The following BRF1 variants were observed in gnomAD, a reference collection of about 807,000 sequenced individuals.
BRF1 encodes the protein BRF1 general transcription factor IIIB subunit, also known as transcription factor IIIB 90 kDa subunit.
Under a neutral mutation model 81.7 loss-of-function variants are expected in BRF1, and 59 were observed. That is an observed-to-expected ratio of 0.72 (90% confidence interval 0.59 to 0.90). The LOEUF is 0.90. Among genes scored for constraint, BRF1 ranks in the 40% least tolerant of loss-of-function variants. The probability of loss-of-function intolerance (pLI) is 0.00; values close to 1 mark genes in which losing one functional copy is unlikely to be tolerated. For synonymous variants in BRF1, 491 were observed against 395.6 expected (o/e 1.24, Z -2.86); for missense variants, 1,050 against 936.3 (o/e 1.12, Z -1.58).
In BRF1 at chr14:105,315,030, G is replaced by C; in HGVS notation, c.-162+292C>G. ...GGTGGACGGCTCCAGCCCCAGCTGC[G>C]TGCCCAGGTACGCGCCGCCCGCCGC... On this transcript the variant is annotated intron_variant, in intron 1 of 17. Coordinates refer to the BRF1 transcript ENST00000327359. The surrounding 1 kb of genome is among the most constrained non-coding windows in gnomAD (Gnocchi z 4.4). 1 of 1,212,492 alleles carries C rather than the reference G, an allele frequency of 8.2e-7. No individual in the cohort carries two copies. Among genetic ancestry groups the C allele is most frequent in the Non-Finnish European group, 1.0e-6 (1 of 958,202 alleles). The allele number at this position is 1,212,492 out of a possible 1,614,324, so 75.1% of individuals were successfully genotyped here.
intron 15 of BRF1, chr14:105,213,309 GT>G (rs1890456784): frequency 6.6e-6 from 1 of 152,294 alleles, no homozygotes; most frequent in South Asian, 2.1e-4. Flanking sequence ...ATCTTGGCCG[GT>G]GGGACTAAGT....
chr14:105,261,093 T>C (rs587726451), intron 3 of BRF1, among the ~76,000 whole-genome samples: 1 of 152,352 alleles, frequency 6.6e-6, no homozygotes, highest in Admixed American at 6.5e-5. Flanking sequence ...GAAGAGGCCC[T>C]GTCTGCGGCC....
intron 2 of BRF1, among the ~76,000 whole-genome samples, chr14:105,282,530 T>G (rs2057149989): frequency 6.6e-6 from 1 of 152,184 alleles, no homozygotes; most frequent in Non-Finnish European, 1.5e-5. Flanking sequence ...AGGGCTGATA[T>G]GAAAACTTCA....
intron 1 of BRF1, among the ~76,000 whole-genome samples, chr14:105,299,855 G>T (rs1056856036): frequency 7.2e-5 from 11 of 152,228 alleles, no homozygotes; most frequent in Admixed American, 2.0e-4. Context: ...ATACAGCTAA[G>T]TTCCCCAGAG....
chr14:105,295,052 T>C (rs1465256502), intron 1 of BRF1, among the ~76,000 whole-genome samples: 2 of 151,508 alleles, frequency 1.3e-5, no homozygotes, highest in Admixed American at 6.6e-5. Flanking sequence ...TTCCAGAAAA[T>C]AGAAGAGGAA....
At chr14:105,282,360 C>T (rs1051064236) in intron 2 of BRF1, among the ~76,000 whole-genome samples, 14 of 152,202 alleles carry the variant, frequency 9.2e-5, no homozygotes, top group African/African-American at 3.4e-4. Flanking sequence ...GGAAGGGTGG[C>T]CCGTGAGTTT....
intron 2 of BRF1, among the ~76,000 whole-genome samples, chr14:105,274,140 A>AT (rs1458248855): frequency 6.6e-6 from 1 of 152,242 alleles, no homozygotes; most frequent in African/African-American, 2.4e-5. Flanking sequence ...AGAAACATAA[A>AT]TCTGGCCTAT....
At position 105,271,780 on chromosome 14, in the gene BRF1, G is replaced by A. The variant is rs1399608665; in HGVS notation, c.439+941C>T. Among the ~76,000 whole-genome samples the A allele has an allele frequency of 6.6e-5, 10 of 152,214 alleles. No homozygotes were observed. Among genetic ancestry groups the A allele is most frequent in the Admixed American group, 6.5e-4 (10 of 15,284 alleles). On this transcript the variant is annotated intron_variant, in intron 3 of 17. Coordinates refer to ENST00000547530, the MANE Select transcript of BRF1 (RefSeq NM_001519.4). This position sits in a 1 kb window ranked among gnomAD's most constrained non-coding sequence, Gnocchi z 5.5. Reference sequence around the variant, plus strand: ...CAGATGCACAGAGACCAGTGCAAGAGAACACCAGACACTGGATCTCCACGC... The same window carrying A: ...CAGATGCACAGAGACCAGTGCAAGAAAACACCAGACACTGGATCTCCACGC...
At chr14:105,245,562 C>T (rs587652223) in intron 5 of BRF1, among the ~76,000 whole-genome samples, 1 of 148,472 alleles carries the variant, frequency 6.7e-6, no homozygotes, top group South Asian at 2.2e-4. Context: ...ACCTACAGAC[C>T]AACAGAACAG....
chr14:105,229,563 A>C (rs1375183436), intron 6 of BRF1, among the ~76,000 whole-genome samples: 2 of 152,230 alleles, frequency 1.3e-5, no homozygotes, highest in African/African-American at 2.4e-5. Context: ...ACCAGCACCA[A>C]GGGCAAAGTG....
At chr14:105,248,182 G>C in intron 5 of BRF1, 1 of 985,496 alleles carries the variant, frequency 1.0e-6, no homozygotes, top group South Asian at 4.7e-5. Flanking sequence ...CTGGCTGCTG[G>C]CGTCCGTAGC....
upstream of BRF1, chr14:105,301,147 GGACCCAAGGCTGGCGACGC>G: frequency 6.5e-6 from 1 of 152,942 alleles, no homozygotes; most frequent in Non-Finnish European, 1.5e-5. Context: ...GCTGGCGACG[GGACCCAAGGCTGGCGACGC>G]GACCTAAGGC....
rs924736342 is a variant in BRF1 at position 105,271,338 on chromosome 14, C to T, written c.439+1383G>A. 6.6e-6 allele frequency among the ~76,000 whole-genome samples: 1 copy of T among 152,246 alleles called. No individual in the cohort carries two copies. Among genetic ancestry groups the T allele is most frequent in the Non-Finnish European group, 1.5e-5 (1 of 68,046 alleles). ...GAACGTGGAGATTAGAGGCAAGGAG[C>T]TGAAGCCCCGCAGCTGCACAGCAAG... On this transcript the variant is annotated intron_variant, in intron 3 of 17. Transcript: ENST00000547530. The surrounding 1 kb of genome is among the most constrained non-coding windows in gnomAD (Gnocchi z 5.5).
chr14:105,308,884 G>A (rs2058268568), intron 1 of BRF1, among the ~76,000 whole-genome samples: 1 of 152,100 alleles, frequency 6.6e-6, no homozygotes, highest in Admixed American at 6.5e-5. Flanking sequence ...TGAGGCAGGA[G>A]GATGGTTTGA....
At chr14:105,261,987 G>A (rs587659814) in intron 3 of BRF1, among the ~76,000 whole-genome samples, 3 of 152,356 alleles carry the variant, frequency 2.0e-5, no homozygotes, top group East Asian at 1.9e-4. Flanking sequence ...CACCTGGCAC[G>A]GGAACACACG....
intron 7 of BRF1, chr14:105,227,124 C>T (rs1893236817): frequency 4.1e-6 from 1 of 245,384 alleles, no homozygotes; most frequent in South Asian, 4.8e-5. Flanking sequence ...TCAAAAAATA[C>T]ATAAAAAATA....
intron 4 of BRF1, 128 bp from the exon 5 acceptor site, chr14:105,252,707 AC>A (rs749020679): frequency 8.5e-5 from 85 of 995,260 alleles, no homozygotes; most frequent in Non-Finnish European, 1.2e-4. Context: ...GCCACCCCAC[AC>A]CCGCAAGCCT....
intron 1 of BRF1, among the ~76,000 whole-genome samples, chr14:105,292,898 C>T (rs1213115266): frequency 1.3e-5 from 2 of 152,150 alleles, no homozygotes; most frequent in Non-Finnish European, 2.9e-5. Context: ...CTTCCCAAGC[C>T]CAGGCCCCTT....
rs902111936 is a variant in BRF1 at position 105,290,367 on chromosome 14, C to T, written c.185-3991G>A. ...CTGGGAGGCAGAGGTTGTGGTGAGC[C>T]GAGATCGCGCCATTGCACTCCAGCC... On this transcript the variant is annotated intron_variant, in intron 1 of 17. Transcript: ENST00000547530. Among the ~76,000 whole-genome samples, 3 of 152,194 alleles carry T rather than the reference C, an allele frequency of 2.0e-5. No homozygotes were observed. In the South Asian group the frequency reaches 6.2e-4, roughly 32 times the overall value.
Sources: gnomAD v4.1 joint callset for allele counts (sites outside exome capture counted in the v4.1 genomes callset) on GRCh38, gnomAD v4.1.1 for gene constraint, Gnocchi (gnomAD v3.1) non-coding constraint, MANE v1.5 for transcripts, NCBI Gene and HGNC (gene_info 2026-07-23, HGNC 2026-07-21) for gene names.